CEMIP: variants seen among roughly 807,000 people sequenced by gnomAD.
The protein encoded by CEMIP is cell migration-inducing and hyaluronan-binding protein.
CEMIP carries 105 observed loss-of-function variants against 156.9 expected under a neutral mutation model. That is an observed-to-expected ratio of 0.67 (90% CI 0.57 to 0.79). CEMIP has a LOEUF of 0.79. Ranked by LOEUF, CEMIP falls within the 30% of genes least tolerant of loss-of-function variation. The probability of loss-of-function intolerance (pLI) is 0.00; values close to 1 mark genes in which losing one functional copy is unlikely to be tolerated. For missense variants in CEMIP, 1,457 were observed against 1,769.4 expected (o/e 0.82, Z 3.17); for synonymous variants, 676 against 668.4 (o/e 1.01, Z -0.17).
chr15:80,792,592 A>T (rs1896108985), intron 1 of CEMIP, among the ~76,000 whole-genome samples: 1 of 152,240 alleles, frequency 6.6e-6, no homozygotes, highest in South Asian at 2.1e-4. Context: ...TGTACATACT[A>T]GGTATACAAA....
chr15:80,885,863 C>T (rs1385560342), intron 7 of CEMIP, among the ~76,000 whole-genome samples: 2 of 152,208 alleles, frequency 1.3e-5, no homozygotes, highest in East Asian at 1.9e-4. Flanking sequence ...GGTGGGCACT[C>T]GCCGTCTTTT....
intron 14 of CEMIP, among the ~76,000 whole-genome samples, chr15:80,911,371 C>T (rs1355884697): frequency 3.3e-5 from 5 of 152,320 alleles, no homozygotes; most frequent in African/African-American, 1.2e-4. Flanking sequence ...TTTACTTGTT[C>T]TAAGCATTTT....
At chr15:80,938,215 T>C in intron 25 of CEMIP, 1 of 499,508 alleles carries the variant, frequency 2.0e-6, no homozygotes, top group Non-Finnish European at 3.6e-6. Context: ...GTAGGGAATT[T>C]ACATATTTCA....
chr15:80,779,625 C>T lies in CEMIP; in HGVS notation c.-176+11C>T. On this transcript the variant is annotated intron_variant, in intron 1 of 29. Coordinates refer to ENST00000394685, the MANE Select transcript of CEMIP (RefSeq NM_001293298.2). Reference sequence around the variant, plus strand: ...GCTACAGACCCAGAGGTAAGAGGGCCTGGCTGGGGGCGTCAGGGATGAGCT... The same window carrying T: ...GCTACAGACCCAGAGGTAAGAGGGCTTGGCTGGGGGCGTCAGGGATGAGCT... 1 of 152,160 alleles carries T rather than the reference C, an allele frequency of 6.6e-6. No homozygotes were observed. Among genetic ancestry groups the T allele is most frequent in the East Asian group, 1.9e-4 (1 of 5,140 alleles). 9.4% of individuals were successfully genotyped at this position (152,160 alleles called of 1,614,324 possible). A position where few individuals can be genotyped will look rare whatever the true frequency, so the allele number is the denominator to read the frequency against.
intron 1 of CEMIP, among the ~76,000 whole-genome samples, chr15:80,872,149 G>C (rs1230146985): frequency 6.6e-6 from 1 of 152,230 alleles, no homozygotes. Context: ...AAGGTCAGGG[G>C]TGACCAGACT....
Position 80,926,141 on chromosome 15 carries a change from T to C in CEMIP, c.2420+386T>C, listed in dbSNP as rs371690964. Among the ~76,000 whole-genome samples, 6 of 152,338 alleles carry C rather than the reference T, an allele frequency of 3.9e-5. No homozygotes were observed. The South Asian group carries it at 1.2e-3, about 32-fold the overall frequency. On this transcript the variant is annotated intron_variant, in intron 19 of 29. Coordinates refer to ENST00000394685, the MANE Select transcript of CEMIP (RefSeq NM_001293298.2). ...TCTTTCTTACCATGTTTCTCAAACATATAAATTATGATCTCCATTTTAGAG... is the reference window on the plus strand; with the variant it reads ...TCTTTCTTACCATGTTTCTCAAACACATAAATTATGATCTCCATTTTAGAG...
chr15:80,884,187 T>C lies in CEMIP; in HGVS notation c.630T>C (p.Tyr210=). Residue 210 remains tyrosine (Y), a synonymous_variant, in exon 7 of 30, where the codon TAT becomes TAC. Transcript: ENST00000394685. ...CTGCCCTTTTTAGGTTTGACACCTA[T>C]AGATCCAAGAAAGAGAGTGAACGTC... ...TVIHSDRFDT[Y]RSKKESERLV... 4 of 1,614,206 alleles carry C rather than the reference T, an allele frequency of 2.5e-6. No homozygotes were observed. The highest frequency in any genetic ancestry group is 2.5e-6 in the Non-Finnish European group (3 of 1,180,010).
chr15:80,938,658 C>T (rs1406738727), intron 25 of CEMIP, among the ~76,000 whole-genome samples: 1 of 152,162 alleles, frequency 6.6e-6, no homozygotes, highest in Non-Finnish European at 1.5e-5. Context: ...TAGCATAAAG[C>T]TGACCCAGCT....
intron 11 of CEMIP, 33 bp downstream of exon 11, chr15:80,895,155 A>C (rs757858147): frequency 6.2e-7 from 1 of 1,613,878 alleles, no homozygotes; most frequent in South Asian, 1.1e-5. Flanking sequence ...CACAGATGCA[A>C]CTATGGCTCG....
chr15:80,915,672 C>T lies in CEMIP; in HGVS notation c.1798-4422C>T, dbSNP rs1900245641. Among the ~76,000 whole-genome samples the T allele has an allele frequency of 2.0e-5, 3 of 152,138 alleles. 1 individual carries two copies. The South Asian group carries it at 6.2e-4, about 32-fold the overall frequency. ...AACGCTTCCCCCCAGGCTACTCCCT[C>T]CCCAACCTGGTTGTTGAGTTCTTGC... On this transcript the variant is annotated intron_variant, in intron 14 of 29. Transcript: ENST00000394685.
intron 1 of CEMIP, among the ~76,000 whole-genome samples, chr15:80,833,415 A>G (rs1051142340): frequency 4.6e-5 from 7 of 152,152 alleles, no homozygotes; most frequent in Non-Finnish European, 1.0e-4. Flanking sequence ...CCTTCAATTT[A>G]CAAGGAATTC....
chr15:80,862,441 T>G (rs1371384651), intron 1 of CEMIP, among the ~76,000 whole-genome samples: 2 of 152,130 alleles, frequency 1.3e-5, no homozygotes, highest in Non-Finnish European at 2.9e-5. Flanking sequence ...GGGAGAGGTT[T>G]AAGGTGGAGA....
intron 1 of CEMIP, among the ~76,000 whole-genome samples, chr15:80,796,065 TAACTTTA>T (rs1361342318): frequency 2.0e-5 from 3 of 152,372 alleles, no homozygotes; most frequent in Admixed American, 6.5e-5. Context: ...GCTTTTCCCA[TAACTTTA>T]AACTTTAAAA....
intron 21 of CEMIP, among the ~76,000 whole-genome samples, chr15:80,931,055 T>C (rs1461187489): frequency 2.6e-5 from 4 of 152,094 alleles, no homozygotes; most frequent in African/African-American, 9.7e-5. Context: ...AGCAACCTAC[T>C]CCATGCTAAG....
chr15:80,813,380 C>T (rs1896715381), intron 1 of CEMIP, among the ~76,000 whole-genome samples: 1 of 144,968 alleles, frequency 6.9e-6, no homozygotes, highest in African/African-American at 2.6e-5. Context: ...GACGGAGTCT[C>T]ACTCTGTCAC....
intron 1 of CEMIP, among the ~76,000 whole-genome samples, chr15:80,867,222 C>T (rs1898153582): frequency 6.6e-6 from 1 of 152,150 alleles, no homozygotes; most frequent in Non-Finnish European, 1.5e-5. Context: ...CTATCAGAAT[C>T]TGCATTTGAA....
chr15:80,888,633 C>A, intron 8 of CEMIP, 68 bp from the exon 9 acceptor site: 1 of 1,354,668 alleles, frequency 7.4e-7, no homozygotes, highest in Non-Finnish European at 1.1e-6. Context: ...GGTTTCCTTG[C>A]CTTGGAGTCA....
At chr15:80,794,779 T>TA (rs149189033) in intron 1 of CEMIP, among the ~76,000 whole-genome samples, 2 of 151,926 alleles carry the variant, frequency 1.3e-5, no homozygotes, top group East Asian at 1.9e-4. Context: ...GAGACAAATA[T>TA]AAAAAAATAG....
chr15:80,874,541 C>T (rs887832050), intron 3 of CEMIP, among the ~76,000 whole-genome samples: 1 of 152,106 alleles, frequency 6.6e-6, no homozygotes, highest in African/African-American at 2.4e-5. Context: ...ACCACCTGGT[C>T]TCAATGCTCC....
Sources: gnomAD v4.1 joint callset for allele counts (sites outside exome capture counted in the v4.1 genomes callset) on GRCh38, gnomAD v4.1.1 for gene constraint, MANE v1.5 for transcripts, NCBI Gene and HGNC (gene_info 2026-07-23, HGNC 2026-07-21) for gene names.